AKAP6: variants seen among roughly 807,000 people sequenced by gnomAD.
AKAP6 encodes the protein A-kinase anchor protein 6.
In AKAP6, 58 loss-of-function variants were observed where a neutral mutation model predicts 188.5. The observed-to-expected ratio is 0.31, with a 90% CI of 0.25 to 0.38. The LOEUF is 0.38. Ranked by LOEUF, AKAP6 falls within the 10% of genes least tolerant of loss-of-function variation. AKAP6 has a pLI of 1.00. For synonymous variants in AKAP6, 989 were observed against 998.6 expected, an observed-to-expected ratio of 0.99 and a Z score of 0.18; for missense variants, 2,710 against 2,740.0, an observed-to-expected ratio of 0.99 and a Z score of 0.24.
chr14:32,674,606 A>G (rs1173548180), intron 7 of AKAP6, among the ~76,000 whole-genome samples: 2 of 152,180 alleles, frequency 1.3e-5, no homozygotes, highest in East Asian at 1.9e-4. Context: ...TTAAAACGAA[A>G]GGTTTTATTT....
intron 1 of AKAP6, among the ~76,000 whole-genome samples, chr14:32,353,181 A>G (rs1381044570): frequency 1.3e-5 from 2 of 151,882 alleles, no homozygotes; most frequent in East Asian, 3.9e-4. Context: ...TCCATGTCCT[A>G]CCTCCTTGGT....
At chr14:32,351,711 T>C (rs1291331583) in intron 1 of AKAP6, among the ~76,000 whole-genome samples, 7 of 152,154 alleles carry the variant, frequency 4.6e-5, no homozygotes, top group Admixed American at 4.6e-4. Flanking sequence ...TGTTGATGAA[T>C]GCTAGCTAGC....
At chr14:32,813,397 C>CCCG (rs1555365158) in intron 12 of AKAP6, among the ~76,000 whole-genome samples, 1 of 123,848 alleles carries the variant, frequency 8.1e-6, no homozygotes, top group East Asian at 3.2e-4. Context: ...CTACCCCCCC[C>CCCG]CCCAACCCCT....
chr14:32,582,007 ATTG>A (rs1884993657), intron 5 of AKAP6, among the ~76,000 whole-genome samples: 1 of 151,968 alleles, frequency 6.6e-6, no homozygotes, highest in Non-Finnish European at 1.5e-5. Flanking sequence ...TAAAGTTAAT[ATTG>A]TTATGTGTGA....
chr14:32,766,916 T>C (rs958146187), intron 11 of AKAP6, among the ~76,000 whole-genome samples: 1 of 152,140 alleles, frequency 6.6e-6, no homozygotes, highest in Non-Finnish European at 1.5e-5. Context: ...CTCTATATTT[T>C]CTTCTAAGAT....
chr14:32,661,977 C>T (rs925194046), intron 7 of AKAP6, among the ~76,000 whole-genome samples: 1 of 151,984 alleles, frequency 6.6e-6, no homozygotes, highest in Admixed American at 6.6e-5. Context: ...CCTGATCAAG[C>T]AGAATATGAC....
rs1188810153 is a variant in AKAP6, at chr14:32,823,903, T to G, written c.6090T>G (p.Asn2030Lys). The G allele has an allele frequency of 4.3e-6, 7 of 1,613,858 alleles. No homozygotes were observed. The highest frequency in any genetic ancestry group is 5.1e-6 in the Non-Finnish European group (6 of 1,179,922). The change falls in exon 13 of 14, where the codon AAT becomes AAG. Residue 2030 changes from asparagine to lysine, a missense_variant. Around this residue, in one of 2 missense-constraint regions of AKAP6, gnomAD observed 2,473 missense variants for 2,426.1 expected, o/e 1.02. Transcript: ENST00000280979. ...LALEQNGTEE[N>K]ASISNISCCN... ...TTGAACAAAACGGAACAGAGGAAAA[T>G]GCTTCTATCAGCAACATTTCCTGTT...
At position 32,821,703 on chromosome 14, in the gene AKAP6, A is replaced by G. The variant is rs2034524557; in HGVS notation, c.3890A>G (p.Tyr1297Cys). ...QVYSLHNVEL[Y>C]EDNHMPFLKN... ...TACAGCCTCCACAATGTTGAACTCT[A>G]TGAGGACAACCACATGCCATTTCTG... Residue 1297 changes from tyrosine (Y) to cysteine (C), a missense_variant, in exon 13 of 14, where the codon TAT becomes TGT. By Grantham distance (194) the Tyr-to-Cys change is radical. Coordinates refer to ENST00000280979, the MANE Select transcript of AKAP6 (RefSeq NM_004274.5). 1 of 1,613,788 alleles carries G rather than the reference A, an allele frequency of 6.2e-7. No individual in the cohort carries two copies.
chr14:32,620,313 G>A (rs1886763642), intron 7 of AKAP6, among the ~76,000 whole-genome samples: 1 of 152,048 alleles, frequency 6.6e-6, no homozygotes, highest in Admixed American at 6.6e-5. Flanking sequence ...GTTATATATG[G>A]CTTTTGTTAT....
chr14:32,545,574 T>A lies in AKAP6; in HGVS notation c.921T>A (p.Cys307Ter). The A allele has an allele frequency of 6.2e-7, 1 of 1,614,188 alleles. No homozygotes were observed. Among genetic ancestry groups the A allele is most frequent in the Non-Finnish European group, 8.5e-7 (1 of 1,180,030 alleles). Residue 307 changes from cysteine to a stop codon, truncating the protein, a stop_gained, in exon 4 of 14, where the codon TGT becomes TGA. Transcript: ENST00000280979. LOFTEE classifies it high-confidence loss of function. ...TCTCAGTAGACGACAAAGGTGGATG[T>A]GAGGAAGACAATGCTTCTGCAGTCG... ...VSLSVDDKGGCEEDNASAVEE... is the reference protein window; with the variant it reads ...VSLSVDDKGG
intron 1 of AKAP6, among the ~76,000 whole-genome samples, chr14:32,423,027 T>C (rs1271911132): frequency 6.6e-6 from 1 of 152,194 alleles, no homozygotes; most frequent in African/African-American, 2.4e-5. Flanking sequence ...ATACTGTTTT[T>C]CTTCCTATTC....
intron 13 of AKAP6, 21 bp downstream of exon 13, chr14:32,824,836 G>T (rs2057121): frequency 6.6e-7 from 1 of 1,517,358 alleles, no homozygotes; most frequent in Non-Finnish European, 8.8e-7. Context: ...TCCTCATGCC[G>T]TATATGTATT....
intron 12 of AKAP6, among the ~76,000 whole-genome samples, chr14:32,789,137 A>G (rs879668894): frequency 8.6e-5 from 13 of 152,014 alleles, no homozygotes; most frequent in Non-Finnish European, 1.6e-4. Context: ...AGCGGAACCT[A>G]GATCCATTCC....
intron 4 of AKAP6, among the ~76,000 whole-genome samples, chr14:32,562,261 TG>T (rs1883988485): frequency 6.6e-6 from 1 of 152,170 alleles, no homozygotes; most frequent in African/African-American, 2.4e-5. Flanking sequence ...CTCATATTTT[TG>T]GATTTGTCTA....
chr14:32,813,171 G>A (rs970470337), intron 12 of AKAP6, among the ~76,000 whole-genome samples: 1 of 152,088 alleles, frequency 6.6e-6, no homozygotes, highest in African/African-American at 2.4e-5. Flanking sequence ...TGCTAGAAGA[G>A]CTCAAGGAAA....
intron 2 of AKAP6, among the ~76,000 whole-genome samples, chr14:32,486,032 A>G (rs1354985638): frequency 6.6e-6 from 1 of 152,206 alleles, no homozygotes; most frequent in African/African-American, 2.4e-5. Flanking sequence ...AGTTTTCTGC[A>G]TATGGCTAGC....
chr14:32,357,521 A>T (rs1887521431), intron 1 of AKAP6, among the ~76,000 whole-genome samples: 1 of 152,238 alleles, frequency 6.6e-6, no homozygotes, highest in African/African-American at 2.4e-5. Flanking sequence ...TCTTAGAGAA[A>T]TAGCCAAAAA....
At chr14:32,376,222 G>T (rs1037887678) in intron 1 of AKAP6, among the ~76,000 whole-genome samples, 3 of 152,164 alleles carry the variant, frequency 2.0e-5, no homozygotes, top group East Asian at 1.9e-4. Context: ...TTTGACCTTG[G>T]GGCACCCCCC....
At chr14:32,384,086 C>G (rs1022757830) in intron 1 of AKAP6, among the ~76,000 whole-genome samples, 1 of 152,122 alleles carries the variant, frequency 6.6e-6, no homozygotes, top group Non-Finnish European at 1.5e-5. Flanking sequence ...TTAGGAGCAC[C>G]TGATTAAGAG....
Sources: allele counts gnomAD v4.1 joint callset (sites outside exome capture counted in the v4.1 genomes callset), GRCh38; gene constraint gnomAD v4.1.1; regional missense constraint gnomAD v4.1.1; transcripts MANE v1.5; gene names NCBI Gene and HGNC (gene_info 2026-07-23, HGNC 2026-07-21).